The following AMOTL1 variants were observed in gnomAD, a reference collection of about 807,000 sequenced individuals.
AMOTL1 encodes the protein angiomotin like 1, also known as angiomotin-like protein 1.
In AMOTL1, 45 loss-of-function variants were observed where a neutral mutation model predicts 102.9. That is an observed-to-expected ratio of 0.44 (90% CI 0.34 to 0.56). The LOEUF (loss-of-function observed/expected upper bound fraction) is 0.56, where lower values mean the gene tolerates loss of function less well. Among genes scored for constraint, AMOTL1 ranks in the 20% least tolerant of loss-of-function variants. AMOTL1 has a pLI of 0.01. For missense variants in AMOTL1, 1,114 were observed against 1,225.6 expected (o/e 0.91, Z 1.36); for synonymous variants, 481 against 484.7 (o/e 0.99, Z 0.10).
Position 94,797,905 on chromosome 11 carries a change from G to T in AMOTL1, c.200-1485G>T, listed in dbSNP as rs540253257. Among the ~76,000 whole-genome samples the T allele has an allele frequency of 3.9e-5, 6 of 152,312 alleles. No homozygotes were observed. The East Asian group carries it at 1.2e-3, about 29-fold the overall frequency. ...GTTTCATCCTGTAATTGATTATTGA[G>T]GAATTTTGGTGCAGAGGAGTGACAT... On this transcript the variant is annotated intron_variant, in intron 2 of 12. Transcript: ENST00000433060.
At chr11:94,706,945 A>G (rs1011720745) in intron 1 of AMOTL1, among the ~76,000 whole-genome samples, 5 of 152,042 alleles carry the variant, frequency 3.3e-5, no homozygotes, top group African/African-American at 1.2e-4. Flanking sequence ...TTGCCTTCCT[A>G]CTGATTGGGT....
intron 11 of AMOTL1, among the ~76,000 whole-genome samples, chr11:94,868,212 A>G (rs987695713): frequency 4.6e-5 from 7 of 152,252 alleles, no homozygotes; most frequent in African/African-American, 1.4e-4. Context: ...CCTGAGTTCT[A>G]AATGGGCACC....
chr11:94,768,790 G>A (rs1254215859), intron 1 of AMOTL1, among the ~76,000 whole-genome samples: 1 of 152,092 alleles, frequency 6.6e-6, no homozygotes, highest in Non-Finnish European at 1.5e-5. Flanking sequence ...GACCCACGTT[G>A]ACTGAAGTTG....
chr11:94,800,687 G>A (rs1180518811), intron 3 of AMOTL1, among the ~76,000 whole-genome samples: 1 of 152,150 alleles, frequency 6.6e-6, no homozygotes, highest in Non-Finnish European at 1.5e-5. Flanking sequence ...TTTCATTGTA[G>A]ATTTTAAAGG....
At position 94,874,046 on chromosome 11, in the gene AMOTL1, T is replaced by C. The variant is rs1227674892; in HGVS notation, c.*3251T>C. Reference sequence around the variant, plus strand: ...CAGGATGAAGGGGAGAGGCCCTGGCTTCACGGGAAGGTATTCCAGCATTGT... The same window carrying C: ...CAGGATGAAGGGGAGAGGCCCTGGCCTCACGGGAAGGTATTCCAGCATTGT... On this transcript the variant is annotated 3_prime_UTR_variant, in exon 13 of 13. Transcript: ENST00000433060. 1.3e-5 allele frequency: 2 copies of C among 152,358 alleles called. No homozygotes were observed. Among genetic ancestry groups the C allele is most frequent in the Non-Finnish European group, 2.9e-5 (2 of 68,046 alleles). The allele number at this position is 152,358 out of a possible 1,614,324, so 9.4% of individuals were successfully genotyped here.
intron 6 of AMOTL1, among the ~76,000 whole-genome samples, chr11:94,836,445 A>G (rs899550032): frequency 2.0e-5 from 3 of 152,150 alleles, no homozygotes; most frequent in Non-Finnish European, 2.9e-5. Context: ...AAATGAGAGA[A>G]CTATAGACGT....
intron 6 of AMOTL1, among the ~76,000 whole-genome samples, chr11:94,844,749 C>A (rs896321203): frequency 6.6e-6 from 1 of 152,168 alleles, no homozygotes; most frequent in East Asian, 1.9e-4. Context: ...TTAAAGGCCC[C>A]ACCTCTTAAT....
chr11:94,871,852 G>A lies in AMOTL1; in HGVS notation c.*1057G>A, dbSNP rs1020079272. ...CATTGCTCTGTTTGGGGAAGACTTA[G>A]GACAGCACTCCAGGAAACAGATGAC... On this transcript the variant is annotated 3_prime_UTR_variant, in exon 13 of 13. Coordinates refer to ENST00000433060, the MANE Select transcript of AMOTL1 (RefSeq NM_130847.3). The A allele has an allele frequency of 6.6e-6, 1 of 152,038 alleles. No individual in the cohort carries two copies. Among genetic ancestry groups the A allele is most frequent in the African/African-American group, 2.4e-5 (1 of 41,370 alleles). The allele number at this position is 152,038 out of a possible 1,614,324, so 9.4% of individuals were successfully genotyped here. A position where few individuals can be genotyped will look rare whatever the true frequency, so the allele number is the denominator to read the frequency against.
At position 94,870,866 on chromosome 11, in the gene AMOTL1, C is replaced by T; in HGVS notation, c.*71C>T. 1 of 1,309,640 alleles carries T rather than the reference C, an allele frequency of 7.6e-7. No homozygotes were observed. Among genetic ancestry groups the T allele is most frequent in the East Asian group, 2.5e-5 (1 of 39,350 alleles). The allele number at this position is 1,309,640 out of a possible 1,614,324, so 81.1% of individuals were successfully genotyped here. On this transcript the variant is annotated 3_prime_UTR_variant, in exon 13 of 13. Coordinates refer to ENST00000433060, the MANE Select transcript of AMOTL1 (RefSeq NM_130847.3). ...AAAGCGGCAGAGAAAGAAGAAAGACCTAGAAGGTTGTAGATGGGAAATCAG... is the reference window on the plus strand; with the variant it reads ...AAAGCGGCAGAGAAAGAAGAAAGACTTAGAAGGTTGTAGATGGGAAATCAG...
chr11:94,793,959 AACTC>A (rs1466300282), intron 1 of AMOTL1, among the ~76,000 whole-genome samples: 1 of 152,242 alleles, frequency 6.6e-6, no homozygotes, highest in Non-Finnish European at 1.5e-5. Context: ...GAGGCAAAGA[AACTC>A]AGGAAGGAGA....
intron 3 of AMOTL1, among the ~76,000 whole-genome samples, chr11:94,758,109 G>C (rs1950748710): frequency 1.3e-5 from 2 of 152,150 alleles, no homozygotes; most frequent in Admixed American, 1.3e-4. Flanking sequence ...CTTGAATCTT[G>C]GCTCTGTTAA....
At chr11:94,727,028 A>T (rs768169985) in intron 1 of AMOTL1, among the ~76,000 whole-genome samples, 1 of 152,174 alleles carries the variant, frequency 6.6e-6, no homozygotes, top group Non-Finnish European at 1.5e-5. Flanking sequence ...CATGGATGTG[A>T]GAGCCTAACC....
At chr11:94,762,740 G>C (rs140946716) in intron 3 of AMOTL1, among the ~76,000 whole-genome samples, 4 of 152,208 alleles carry the variant, frequency 2.6e-5, no homozygotes, top group African/African-American at 9.6e-5. Context: ...TACCCCATTT[G>C]GTACAGGTGC....
rs115010240 is a variant in AMOTL1, at chr11:94,835,468, G to T, written c.1648+3927G>T. Among the ~76,000 whole-genome samples, 3 of 152,306 alleles carry T rather than the reference G, an allele frequency of 2.0e-5. No individual in the cohort carries two copies. In the East Asian group the frequency reaches 5.8e-4, roughly 29 times the overall value. On this transcript the variant is annotated intron_variant, in intron 6 of 12. Transcript: ENST00000433060. ...TTTTAAAACTGTTTCTTTCGAAAAT[G>T]GATAGCGCTGCAGAATTCCCATCAG... is the stretch of plus-strand genomic sequence containing the variant.
chr11:94,794,153 G>A (rs768255249), intron 1 of AMOTL1, among the ~76,000 whole-genome samples: 9 of 152,324 alleles, frequency 5.9e-5, no homozygotes, highest in Non-Finnish European at 1.2e-4. Context: ...GAGCAAGGAT[G>A]TTAATTTTTA....
Position 94,798,829 on chromosome 11 carries a change from A to G in AMOTL1, c.200-561A>G, listed in dbSNP as rs1179189367. ...GGTAACCAACCATGTCAAATGCTTC[A>G]GAAAAGTTAGGTGTATAATATGAGG... is the stretch of plus-strand genomic sequence containing the variant. On this transcript the variant is annotated intron_variant, in intron 2 of 12. Coordinates refer to ENST00000433060, the MANE Select transcript of AMOTL1 (RefSeq NM_130847.3). Among the ~76,000 whole-genome samples the G allele has an allele frequency of 3.9e-5, 6 of 152,166 alleles. No individual in the cohort carries two copies. The East Asian group carries it at 1.2e-3, about 29-fold the overall frequency.
intron 10 of AMOTL1, among the ~76,000 whole-genome samples, chr11:94,865,670 C>T (rs915428742): frequency 1.2e-4 from 19 of 152,178 alleles, no homozygotes; most frequent in African/African-American, 1.2e-4. Flanking sequence ...GGTCCCCAGC[C>T]GACTTCGGTC....
At chr11:94,840,427 A>G (rs1952273865) in intron 6 of AMOTL1, among the ~76,000 whole-genome samples, 1 of 151,980 alleles carries the variant, frequency 6.6e-6, no homozygotes, top group Non-Finnish European at 1.5e-5. Context: ...AGGGGGAAAA[A>G]AAGGAATCTA....
At chr11:94,819,778 A>G (rs559183670) in intron 3 of AMOTL1, among the ~76,000 whole-genome samples, 34 of 152,196 alleles carry the variant, frequency 2.2e-4, no homozygotes, top group Admixed American at 3.9e-4. Flanking sequence ...CTTGCAAAAT[A>G]AACTTTCTAA....
Sources: gnomAD v4.1 joint callset for allele counts (sites outside exome capture counted in the v4.1 genomes callset) on GRCh38, gnomAD v4.1.1 for gene constraint, MANE v1.5 for transcripts, NCBI Gene and HGNC (gene_info 2026-07-23, HGNC 2026-07-21) for gene names.